Variants in RGS6 observed in about 807,000 individuals in gnomAD.
The protein encoded by RGS6 is regulator of G protein signaling 6, also known as regulator of G-protein signaling 6.
Under a neutral mutation model 78.5 loss-of-function variants are expected in RGS6, and 30 were observed. That is an observed-to-expected ratio of 0.38 (90% CI 0.29 to 0.52). The LOEUF is 0.52. Among genes scored for constraint, RGS6 ranks in the 20% least tolerant of loss-of-function variants. RGS6 has a pLI of 0.85. For synonymous variants in RGS6, 206 were observed against 206.0 expected (o/e 1.00, Z 0.00); for missense variants, 495 against 609.7 (o/e 0.81, Z 1.98).
At chr14:72,336,467 C>T (rs1019775976) in intron 2 of RGS6, among the ~76,000 whole-genome samples, 7 of 151,876 alleles carry the variant, frequency 4.6e-5, no homozygotes, top group African/African-American at 1.5e-4. Context: ...GTTAGTTTGG[C>T]TCATGGAAAG....
the RGS6 span, among the ~76,000 whole-genome samples, chr14:72,576,048 A>G: frequency 6.6e-6 from 1 of 152,208 alleles, no homozygotes; most frequent in Non-Finnish European, 1.5e-5. Context: ...GGCTGCAGCC[A>G]TTTGGTTTTT....
intron 3 of RGS6, among the ~76,000 whole-genome samples, chr14:72,416,511 C>CT (rs886890121): frequency 7.2e-5 from 11 of 152,076 alleles, no homozygotes; most frequent in African/African-American, 1.9e-4. Flanking sequence ...TAACCTAAAA[C>CT]TAAAACTATA....
At chr14:72,133,951 A>T (rs1312213681) in intron 2 of RGS6, among the ~76,000 whole-genome samples, 2 of 152,178 alleles carry the variant, frequency 1.3e-5, no homozygotes, top group African/African-American at 4.8e-5. Context: ...TCCATGGAAG[A>T]TCATAATACT....
At chr14:71,958,649 A>G (rs2092970369) in intron 1 of RGS6, among the ~76,000 whole-genome samples, 1 of 28,866 alleles carries the variant, frequency 3.5e-5, no homozygotes, top group Admixed American at 3.6e-4. Flanking sequence ...AATACATGGG[A>G]AGCTAAAGGA....
the RGS6 span, among the ~76,000 whole-genome samples, chr14:71,905,929 C>G: frequency 1.3e-5 from 2 of 152,176 alleles, no homozygotes; most frequent in African/African-American, 4.8e-5. Context: ...TCAAATTTGA[C>G]AGGCTTGTTG....
chr14:71,985,839 G>A (rs1224307217), intron 2 of RGS6, among the ~76,000 whole-genome samples: 1 of 152,076 alleles, frequency 6.6e-6, no homozygotes, highest in East Asian at 1.9e-4. Context: ...TTCTCTATTT[G>A]TTTTTCTTAA....
intron 1 of RGS6, among the ~76,000 whole-genome samples, chr14:71,946,132 TTA>T (rs2091473926): frequency 6.6e-6 from 1 of 152,146 alleles, no homozygotes; most frequent in African/African-American, 2.4e-5. Flanking sequence ...AGACTTTTTT[TTA>T]GGTGAAGGGA....
chr14:71,953,692 A>G (rs1235186352), intron 1 of RGS6, among the ~76,000 whole-genome samples: 1 of 151,824 alleles, frequency 6.6e-6, no homozygotes, highest in Non-Finnish European at 1.5e-5. Flanking sequence ...ACATTATTCA[A>G]AAGGGTCTAT....
At chr14:72,456,888 A>G (rs921917774) in intron 4 of RGS6, among the ~76,000 whole-genome samples, 1 of 151,862 alleles carries the variant, frequency 6.6e-6, no homozygotes, top group Admixed American at 6.6e-5. Context: ...GACCAGCCTG[A>G]GCAAGATGGC....
chr14:71,931,305 T>C (rs1243325181), upstream of RGS6, among the ~76,000 whole-genome samples: 2 of 152,016 alleles, frequency 1.3e-5, no homozygotes, highest in Non-Finnish European at 2.9e-5. Flanking sequence ...TGTCTGCTTG[T>C]GTGTTATCCC....
intron 12 of RGS6, among the ~76,000 whole-genome samples, chr14:72,488,778 G>A (rs1465140312): frequency 1.3e-5 from 2 of 152,160 alleles, no homozygotes; most frequent in Non-Finnish European, 2.9e-5. Context: ...CTCACTCAGG[G>A]CTCCATATGG....
chr14:72,039,270 C>T (rs1012313548), intron 2 of RGS6, among the ~76,000 whole-genome samples: 8 of 152,076 alleles, frequency 5.3e-5, no homozygotes, highest in African/African-American at 1.4e-4. Context: ...TGGTCTTGTC[C>T]TTGTCCTGTA....
At chr14:72,029,033 A>AT (rs2090401136) in intron 2 of RGS6, among the ~76,000 whole-genome samples, 1 of 152,182 alleles carries the variant, frequency 6.6e-6, no homozygotes, top group Non-Finnish European at 1.5e-5. Context: ...TATTTTAAGA[A>AT]TTTTCTTACA....
intron 6 of RGS6, among the ~76,000 whole-genome samples, chr14:72,462,361 G>A (rs1283964919): frequency 6.6e-6 from 1 of 152,162 alleles, no homozygotes; most frequent in African/African-American, 2.4e-5. Flanking sequence ...GAGACATTTA[G>A]AATGGATTCA....
At chr14:72,050,472 G>A (rs1160032359) in intron 2 of RGS6, among the ~76,000 whole-genome samples, 1 of 152,206 alleles carries the variant, frequency 6.6e-6, no homozygotes, top group Non-Finnish European at 1.5e-5. Context: ...GATTGAGGTG[G>A]AATGGAGTAC....
At chr14:72,498,632 C>A (rs146679199) in intron 13 of RGS6, among the ~76,000 whole-genome samples, 1 of 152,300 alleles carries the variant, frequency 6.6e-6, no homozygotes, top group African/African-American at 2.4e-5. Flanking sequence ...GCCTAGGACT[C>A]TATCAGTAGC....
At chr14:71,920,714 T>C in the RGS6 span, among the ~76,000 whole-genome samples, 1 of 152,262 alleles carries the variant, frequency 6.6e-6, no homozygotes, top group Non-Finnish European at 1.5e-5. Flanking sequence ...TTTTAAATAC[T>C]AACTGCCTGC....
chr14:72,269,064 G>A (rs887241963), intron 2 of RGS6, among the ~76,000 whole-genome samples: 2 of 152,054 alleles, frequency 1.3e-5, no homozygotes, highest in Admixed American at 1.3e-4. Context: ...TGTTTCTCTT[G>A]TATCTTTTAA....
intron 14 of RGS6, among the ~76,000 whole-genome samples, chr14:72,512,573 T>G (rs1233702911): frequency 6.6e-6 from 1 of 152,138 alleles, no homozygotes; most frequent in Non-Finnish European, 1.5e-5. Flanking sequence ...ACCCCCAGAA[T>G]GCAGAAATCC....
Sources: gnomAD v4.1 joint callset for allele counts (sites outside exome capture counted in the v4.1 genomes callset) on GRCh38, gnomAD v4.1.1 for gene constraint, MANE v1.5 for transcripts, NCBI Gene and HGNC (gene_info 2026-07-23, HGNC 2026-07-21) for gene names.